Variants in SUPT3H observed in about 807,000 individuals in gnomAD.
SUPT3H encodes the protein transcription initiation protein SPT3 homolog.
In SUPT3H, 44 loss-of-function variants were observed where a neutral mutation model predicts 44.3. The observed-to-expected ratio is 0.99, with a 90% CI of 0.78 to 1.28. The LOEUF (loss-of-function observed/expected upper bound fraction) is 1.28, where lower values mean the gene tolerates loss of function less well. Ranked by LOEUF, SUPT3H falls within the 50% of genes most tolerant of loss-of-function variation. SUPT3H has a pLI of 0.00. For synonymous variants in SUPT3H, 124 were observed against 125.6 expected, an observed-to-expected ratio of 0.99 and a Z score of 0.09; for missense variants, 380 against 387.1, an observed-to-expected ratio of 0.98 and a Z score of 0.15.
intron 2 of SUPT3H, chr6:45,328,217 T>C (rs549026186): frequency 1.1e-5 from 13 of 1,206,408 alleles, no homozygotes; most frequent in South Asian, 1.4e-5. Context: ...AGTCCCACTT[T>C]ACTTAAGAGT....
chr6:45,227,994 A>G (rs1767247440), intron 2 of SUPT3H, among the ~76,000 whole-genome samples: 2 of 152,210 alleles, frequency 1.3e-5, no homozygotes, highest in African/African-American at 2.4e-5. Context: ...AACTACACTC[A>G]AAGTACATAA....
intron 9 of SUPT3H, among the ~76,000 whole-genome samples, chr6:44,950,294 T>C (rs1230477384): frequency 6.6e-6 from 1 of 152,104 alleles, no homozygotes; most frequent in Non-Finnish European, 1.5e-5. Flanking sequence ...TGCCCAATAC[T>C]AAAAAAATTC....
intron 3 of SUPT3H, among the ~76,000 whole-genome samples, chr6:45,025,347 C>G (rs943073791): frequency 1.3e-5 from 2 of 152,164 alleles, no homozygotes; most frequent in South Asian, 2.1e-4. Context: ...TTGTAACACT[C>G]CTGCCTCCCA....
At chr6:45,321,966 A>G (rs2150038577) in intron 2 of SUPT3H, 1 of 896,482 alleles carries the variant, frequency 1.1e-6, no homozygotes, top group Non-Finnish European at 1.7e-6. Flanking sequence ...ATATTCATTA[A>G]TCATCAAGTA....
At chr6:45,161,726 C>A (rs1173285129) in intron 2 of SUPT3H, among the ~76,000 whole-genome samples, 1 of 152,126 alleles carries the variant, frequency 6.6e-6, no homozygotes, top group Non-Finnish European at 1.5e-5. Context: ...AACTGACACC[C>A]AATAAACATT....
chr6:44,914,728 T>C (rs1421180977), intron 10 of SUPT3H, among the ~76,000 whole-genome samples: 1 of 152,222 alleles, frequency 6.6e-6, no homozygotes, highest in Non-Finnish European at 1.5e-5. Flanking sequence ...CATCGTTCTG[T>C]ACACTTGTCC....
At chr6:44,841,358 C>T (rs536355734) in intron 10 of SUPT3H, among the ~76,000 whole-genome samples, 157 of 152,148 alleles carry the variant, frequency 1.0e-3, no homozygotes, top group Middle Eastern at 3.4e-3. Context: ...TTAGGTAATC[C>T]GTGCTATGCT....
chr6:45,208,855 C>G lies in SUPT3H; in HGVS notation c.102-102849G>C, dbSNP rs541403265. Among the ~76,000 whole-genome samples the G allele has an allele frequency of 4.1e-4, 10 of 24,138 alleles. 1 individual carries two copies. The South Asian group carries it at 0.013, about 32-fold the overall frequency. 15.8% of individuals were successfully genotyped at this position (24,138 alleles called of 152,430 possible). A position where few individuals can be genotyped will look rare whatever the true frequency, so the allele number is the denominator to read the frequency against. ...CAAAGCTTCAAAAGACAGGCTGACC[C>G]TCTTGTTAGGGGCTCATGAGGCTGA... On this transcript the variant is annotated intron_variant, in intron 2 of 10. Coordinates refer to ENST00000371459, the MANE Select transcript of SUPT3H (RefSeq NM_003599.4).
In SUPT3H at chr6:44,827,443, C is replaced by T. The variant is rs1364341706; in HGVS notation, c.*2373G>A. 6.6e-6 allele frequency among the ~76,000 whole-genome samples: 1 copy of T among 152,076 alleles called. No homozygotes were observed. The highest frequency in any genetic ancestry group is 1.5e-5 in the Non-Finnish European group (1 of 67,966). On this transcript the variant is annotated 3_prime_UTR_variant, in exon 11 of 11. Transcript: ENST00000371459. Reference sequence around the variant, plus strand: ...AAAATTAGGGACCATCGATTCTCATCTCTGGTCTGTCACTACATTATTGAG... The same window carrying T: ...AAAATTAGGGACCATCGATTCTCATTTCTGGTCTGTCACTACATTATTGAG...
chr6:44,983,653 A>T (rs1779395817), intron 6 of SUPT3H, among the ~76,000 whole-genome samples: 1 of 152,220 alleles, frequency 6.6e-6, no homozygotes, highest in Non-Finnish European at 1.5e-5. Context: ...TACTTGGCAG[A>T]CAGGTAGAAT....
chr6:45,172,666 G>A (rs188955570), intron 2 of SUPT3H, among the ~76,000 whole-genome samples: 287 of 150,250 alleles, frequency 1.9e-3, no homozygotes, highest in African/African-American at 6.8e-3. Flanking sequence ...ATCTCAGCTC[G>A]CTACAACCTC....
In SUPT3H at chr6:44,983,490, G is replaced by GAAGA. The variant is rs373142902; in HGVS notation, c.504+20159_504+20162dup. Among the ~76,000 whole-genome samples, 1,077 of 152,032 alleles carry GAAGA rather than the reference G, an allele frequency of 7.1e-3. 13 individuals carry two copies. Among genetic ancestry groups the GAAGA allele is most frequent in the African/African-American group, 0.025 (1,035 of 41,484 alleles). ...AAAAGCATATCCTATCCCATTAACT[G>GAAGA]AAGAAAGAAAGAAAGAAAAAAAATC... On this transcript the variant is annotated intron_variant, in intron 6 of 10. Coordinates refer to ENST00000371459, the MANE Select transcript of SUPT3H (RefSeq NM_003599.4).
chr6:44,954,390 G>T, intron 8 of SUPT3H, 105 bp downstream of exon 8: 2 of 846,834 alleles, frequency 2.4e-6, no homozygotes, highest in African/African-American at 1.7e-5. Context: ...GAGAATTCAT[G>T]GCTGTTATTA....
intron 2 of SUPT3H, among the ~76,000 whole-genome samples, chr6:45,339,072 C>T (rs563444408): frequency 7.7e-4 from 117 of 152,206 alleles, no homozygotes; most frequent in African/African-American, 2.7e-3. Context: ...AGAAGACATA[C>T]TTGCCATAAA....
At chr6:45,234,002 T>G (rs1244534821) in intron 2 of SUPT3H, among the ~76,000 whole-genome samples, 2 of 152,180 alleles carry the variant, frequency 1.3e-5, no homozygotes, top group East Asian at 3.9e-4. Flanking sequence ...ATTCTTACTG[T>G]CTAAAAAATA....
At chr6:45,221,250 C>A (rs564883126) in intron 2 of SUPT3H, among the ~76,000 whole-genome samples, 83 of 152,100 alleles carry the variant, frequency 5.5e-4, no homozygotes, top group Non-Finnish European at 1.1e-3. Flanking sequence ...GGAGGGATAG[C>A]ATTAGGAGAA....
chr6:45,204,114 G>A (rs1762831008), intron 2 of SUPT3H, among the ~76,000 whole-genome samples: 1 of 151,964 alleles, frequency 6.6e-6, no homozygotes, highest in Non-Finnish European at 1.5e-5. Flanking sequence ...GGGTGTGGTG[G>A]TGCATGCCTA....
chr6:45,267,759 A>C (rs1775490706), intron 2 of SUPT3H, among the ~76,000 whole-genome samples: 1 of 152,156 alleles, frequency 6.6e-6, no homozygotes, highest in Non-Finnish European at 1.5e-5. Flanking sequence ...CCTAGGCCTT[A>C]CAAGGACTTA....
intron 2 of SUPT3H, among the ~76,000 whole-genome samples, chr6:45,132,598 A>G (rs1190696471): frequency 1.3e-5 from 2 of 152,194 alleles, no homozygotes; most frequent in Non-Finnish European, 1.5e-5. Flanking sequence ...ATATTTCTAC[A>G]AAAGACTTGG....
Sources: allele counts gnomAD v4.1 joint callset (sites outside exome capture counted in the v4.1 genomes callset), GRCh38; gene constraint gnomAD v4.1.1; transcripts MANE v1.5; gene names NCBI Gene and HGNC (gene_info 2026-07-23, HGNC 2026-07-21).